The following AUTS2 variants were observed in gnomAD, a reference collection of about 807,000 sequenced individuals.
AUTS2 encodes the protein activator of transcription and developmental regulator AUTS2.
Under a neutral mutation model 112.4 loss-of-function variants are expected in AUTS2, and 17 were observed. That is an observed-to-expected ratio of 0.15 (90% confidence interval 0.10 to 0.23). The LOEUF (loss-of-function observed/expected upper bound fraction) is 0.23. AUTS2 is among the 10% of genes least tolerant of loss of function. AUTS2 has a pLI of 1.00. For synonymous variants in AUTS2, 751 were observed against 702.7 expected (o/e 1.07, Z -1.09); for missense variants, 1,510 against 1,701.6 (o/e 0.89, Z 1.98).
At chr7:69,898,131 T>C (rs540974422) in intron 1 of AUTS2, among the ~76,000 whole-genome samples, 1 of 152,324 alleles carries the variant, frequency 6.6e-6, no homozygotes, top group South Asian at 2.1e-4. Context: ...GATGTGATTA[T>C]TACACATTGC....
At chr7:69,974,898 GT>G (rs1172859637) in intron 2 of AUTS2, among the ~76,000 whole-genome samples, 1 of 151,964 alleles carries the variant, frequency 6.6e-6, no homozygotes, top group East Asian at 1.9e-4. Flanking sequence ...ATAGCATAGA[GT>G]TGATTCATTT....
intron 2 of AUTS2, among the ~76,000 whole-genome samples, chr7:69,982,255 G>A (rs1041279746): frequency 6.6e-6 from 1 of 152,068 alleles, no homozygotes; most frequent in African/African-American, 2.4e-5. Flanking sequence ...TTCTCTTTCA[G>A]AAAGCTGAGT....
At chr7:69,666,515 T>A (rs147569009) in intron 1 of AUTS2, among the ~76,000 whole-genome samples, 1 of 152,328 alleles carries the variant, frequency 6.6e-6, no homozygotes, top group Non-Finnish European at 1.5e-5. Context: ...TACTTACTTC[T>A]AAGCCGTGAT....
At chr7:69,776,396 T>C (rs1268351481) in intron 1 of AUTS2, among the ~76,000 whole-genome samples, 1 of 152,136 alleles carries the variant, frequency 6.6e-6, no homozygotes, top group Non-Finnish European at 1.5e-5. Flanking sequence ...AGAGCATTCT[T>C]GCAGGGGTTT....
At chr7:70,004,386 T>A (rs951200471) in intron 2 of AUTS2, among the ~76,000 whole-genome samples, 16 of 117,110 alleles carry the variant, frequency 1.4e-4, no homozygotes, top group African/African-American at 4.6e-4. Context: ...ATATATATAT[T>A]ATATATATGA....
At chr7:69,710,337 T>G (rs1028739990) in intron 1 of AUTS2, among the ~76,000 whole-genome samples, 1 of 152,192 alleles carries the variant, frequency 6.6e-6, no homozygotes, top group East Asian at 1.9e-4. Context: ...CCCACTGTTA[T>G]AATTAAGCCT....
chr7:70,522,140 C>A (rs777931684), intron 5 of AUTS2, among the ~76,000 whole-genome samples: 44 of 152,054 alleles, frequency 2.9e-4, no homozygotes, highest in Non-Finnish European at 4.9e-4. Flanking sequence ...ACGTTTAAAC[C>A]AACAGAGAAA....
intron 1 of AUTS2, among the ~76,000 whole-genome samples, chr7:69,672,247 C>T (rs868596089): frequency 5.3e-5 from 8 of 151,892 alleles, no homozygotes; most frequent in African/African-American, 1.2e-4. Flanking sequence ...TTAGTAGAGA[C>T]GGGGTTTCTC....
At chr7:69,887,413 C>CAAA (rs142082810) in intron 1 of AUTS2, among the ~76,000 whole-genome samples, 8 of 52,956 alleles carry the variant, frequency 1.5e-4, no homozygotes, top group Middle Eastern at 0.01. Flanking sequence ...AAGACTTCAT[C>CAAA]AAAAAAAAAA....
intron 5 of AUTS2, among the ~76,000 whole-genome samples, chr7:70,516,396 T>G (rs573857160): frequency 1.3e-5 from 2 of 152,310 alleles, no homozygotes; most frequent in Admixed American, 1.3e-4. Flanking sequence ...AAGCACCCTC[T>G]TTTTGCTCAT....
At chr7:69,688,041 C>G (rs549958538) in intron 1 of AUTS2, among the ~76,000 whole-genome samples, 2 of 152,216 alleles carry the variant, frequency 1.3e-5, no homozygotes, top group Non-Finnish European at 2.9e-5. Flanking sequence ...TGTTATTTAG[C>G]TGATAGCCTG....
intron 5 of AUTS2, among the ~76,000 whole-genome samples, chr7:70,544,833 T>C (rs1800704063): frequency 6.6e-6 from 1 of 152,082 alleles, no homozygotes; most frequent in African/African-American, 2.4e-5. Flanking sequence ...GTTAACAGTT[T>C]TCTCCTTCCC....
chr7:70,197,394 A>G (rs1309177522), intron 4 of AUTS2, among the ~76,000 whole-genome samples: 1 of 151,280 alleles, frequency 6.6e-6, no homozygotes, highest in Non-Finnish European at 1.5e-5. Flanking sequence ...TGAGCGACGC[A>G]GAAGACGGGT....
chr7:70,110,501 A>G (rs953353731), intron 2 of AUTS2, among the ~76,000 whole-genome samples: 3 of 152,186 alleles, frequency 2.0e-5, no homozygotes, highest in African/African-American at 7.2e-5. Context: ...GGGCACCAAG[A>G]GTGAAACTCC....
At chr7:70,559,429 G>A (rs1326776954) in intron 5 of AUTS2, among the ~76,000 whole-genome samples, 1 of 151,540 alleles carries the variant, frequency 6.6e-6, no homozygotes, top group Non-Finnish European at 1.5e-5. Context: ...CTGCCTCCCG[G>A]GTTCAAGCAA....
intron 4 of AUTS2, among the ~76,000 whole-genome samples, chr7:70,277,946 GTGTA>G (rs766569087): frequency 3.6e-4 from 47 of 131,736 alleles, no homozygotes; most frequent in Non-Finnish European, 6.0e-4. Flanking sequence ...GTGTGTGTGT[GTGTA>G]TGTATGTATG....
intron 16 of AUTS2, 100 bp from the exon 17 acceptor site, chr7:70,785,855 G>C (rs1791425308): frequency 1.8e-6 from 2 of 1,104,210 alleles, no homozygotes; most frequent in Non-Finnish European, 2.7e-6. Context: ...TGGGGGCGTA[G>C]AGAGGGCAGG....
At chr7:69,610,207 A>G (rs1562756503) in intron 1 of AUTS2, among the ~76,000 whole-genome samples, 1 of 152,264 alleles carries the variant, frequency 6.6e-6, no homozygotes, top group Admixed American at 6.5e-5. Context: ...TGTCCTATAA[A>G]TAACACATGC....
At chr7:70,073,127 A>C (rs1584677645) in intron 2 of AUTS2, among the ~76,000 whole-genome samples, 2 of 133,346 alleles carry the variant, frequency 1.5e-5, no homozygotes, top group African/African-American at 2.9e-5. Flanking sequence ...TGTACTGGTC[A>C]CCCCTTCACT....
Sources: gnomAD v4.1 joint callset for allele counts (sites outside exome capture counted in the v4.1 genomes callset) on GRCh38, gnomAD v4.1.1 for gene constraint, MANE v1.5 for transcripts, NCBI Gene and HGNC (gene_info 2026-07-23, HGNC 2026-07-21) for gene names.